Variants in UNC79 observed in about 807,000 individuals in gnomAD.
The protein encoded by UNC79 is unc-79 subunit of NALCN channel complex.
A neutral mutation model predicts 283.1 loss-of-function variants in UNC79; 37 were observed. That is an observed-to-expected ratio of 0.13 (90% confidence interval 0.10 to 0.17). The LOEUF (loss-of-function observed/expected upper bound fraction) is 0.17, where lower values mean the gene tolerates loss of function less well. Ranked by LOEUF, UNC79 falls within the 10% of genes least tolerant of loss-of-function variation. The pLI, the probability that UNC79 is intolerant of heterozygous loss-of-function variation, is 1.00. For synonymous variants in UNC79, 1,107 were observed against 1,200.2 expected, an observed-to-expected ratio of 0.92 and a Z score of 1.61; for missense variants, 2,272 against 3,211.1, an observed-to-expected ratio of 0.71 and a Z score of 7.07.
exon 1 of UNC79, chr14:93,333,256 C>G (rs1256686468): frequency 2.5e-6 from 1 of 402,384 alleles, no homozygotes; most frequent in Non-Finnish European, 4.4e-6. Flanking sequence ...CGTCGGGTCG[C>G]TGGGAGTTTG....
chr14:93,659,673 C>T (rs548007845), intron 39 of UNC79, among the ~76,000 whole-genome samples: 13 of 152,322 alleles, frequency 8.5e-5, no homozygotes, highest in African/African-American at 3.1e-4. Flanking sequence ...TAATCTTTGG[C>T]TCCATGTCTT....
chr14:93,552,232 C>G (rs1422271050), intron 14 of UNC79, among the ~76,000 whole-genome samples: 1 of 152,052 alleles, frequency 6.6e-6, no homozygotes, highest in Non-Finnish European at 1.5e-5. Context: ...AAATATAAGG[C>G]AAACATACTT....
chr14:93,521,912 A>C (rs952013398), intron 7 of UNC79, among the ~76,000 whole-genome samples: 3 of 151,236 alleles, frequency 2.0e-5, no homozygotes, highest in African/African-American at 7.3e-5. Context: ...TTGATTCAGA[A>C]GATCTAACAT....
At chr14:93,618,215 C>T (rs755262371) in exon 29 of UNC79, 23 of 1,613,426 alleles carry the variant, frequency 1.4e-5, no homozygotes, top group Non-Finnish European at 1.9e-5. Flanking sequence ...ACTGTGATAT[C>T]AGCAAGATCC....
intron 1 of UNC79, among the ~76,000 whole-genome samples, 179 bp downstream of exon 1, chr14:93,431,230 G>A (rs1339452398): frequency 1.3e-5 from 2 of 151,462 alleles, no homozygotes; most frequent in Non-Finnish European, 2.9e-5. Flanking sequence ...TAATGGCAGC[G>A]CGGCGCTGTC....
chr14:93,404,603 G>A (rs2055188975), intron 1 of UNC79, among the ~76,000 whole-genome samples: 1 of 145,064 alleles, frequency 6.9e-6, no homozygotes, highest in Non-Finnish European at 1.5e-5. Context: ...AAATGAGCAG[G>A]GGGAAAAGGA....
intron 1 of UNC79, among the ~76,000 whole-genome samples, chr14:93,340,441 CAA>C (rs1193751068): frequency 0.018 from 1,174 of 64,334 alleles, 13 homozygotes; most frequent in African/African-American, 0.061. Flanking sequence ...AACGCTGTCT[CAA>C]AAAAAAAAAA....
intron 1 of UNC79, among the ~76,000 whole-genome samples, chr14:93,347,829 C>A (rs2053894363): frequency 6.6e-6 from 1 of 150,952 alleles, no homozygotes; most frequent in Non-Finnish European, 1.5e-5. Flanking sequence ...AACCGGAGAC[C>A]CCTTAGATGA....
chr14:93,363,394 G>C (rs2054264120), intron 1 of UNC79, among the ~76,000 whole-genome samples: 1 of 152,166 alleles, frequency 6.6e-6, no homozygotes, highest in Non-Finnish European at 1.5e-5. Flanking sequence ...GTGTGGTTGG[G>C]TTTAAAGTAT....
At chr14:93,398,443 A>G (rs943887360) in intron 1 of UNC79, among the ~76,000 whole-genome samples, 18 of 152,172 alleles carry the variant, frequency 1.2e-4, no homozygotes, top group Non-Finnish European at 2.4e-4. Flanking sequence ...GAAACAGAAG[A>G]CTATATAGAG....
intron 38 of UNC79, among the ~76,000 whole-genome samples, chr14:93,655,719 G>A (rs74073864): frequency 0.04 from 5,981 of 151,318 alleles, 350 homozygotes; most frequent in African/African-American, 0.13. Flanking sequence ...TTTTTCTCCC[G>A]TAGATATTAA....
chr14:93,520,676 T>C (rs1299011735), intron 7 of UNC79, among the ~76,000 whole-genome samples: 2 of 152,020 alleles, frequency 1.3e-5, no homozygotes, highest in Non-Finnish European at 2.9e-5. Flanking sequence ...TCACTGATCT[T>C]TTCTTCTGCA....
At chr14:93,562,848 G>A (rs952307459) in intron 14 of UNC79, among the ~76,000 whole-genome samples, 6 of 152,136 alleles carry the variant, frequency 3.9e-5, no homozygotes, top group African/African-American at 1.2e-4. Context: ...TTCCTGACTC[G>A]GGGCATGTGA....
chr14:93,359,879 C>T (rs984954150), intron 1 of UNC79, among the ~76,000 whole-genome samples: 1 of 152,188 alleles, frequency 6.6e-6, no homozygotes, highest in Non-Finnish European at 1.5e-5. Flanking sequence ...TTTTCCCATC[C>T]TTCCCCACGG....
intron 27 of UNC79, 33 bp downstream of exon 28, chr14:93,613,116 CT>C (rs2066425170): frequency 1.2e-6 from 2 of 1,609,180 alleles, no homozygotes; most frequent in African/African-American, 2.7e-5. Context: ...GAAGTCACAC[CT>C]TTATACTTTT....
At chr14:93,357,798 T>TGGATATATATATAC (rs1555398855) in intron 1 of UNC79, among the ~76,000 whole-genome samples, 5 of 116,596 alleles carry the variant, frequency 4.3e-5, no homozygotes, top group Non-Finnish European at 7.1e-5. Context: ...TATATATATA[T>TGGATATATATATAC]GGATATATGG....
chr14:93,691,903 G>C, exon 46 of UNC79: 1 of 1,614,172 alleles, frequency 6.2e-7, no homozygotes, highest in Non-Finnish European at 8.5e-7. Context: ...TTTTGGAGTA[G>C]GGTGACACCC....
intron 30 of UNC79, among the ~76,000 whole-genome samples, chr14:93,625,265 C>T (rs2067475558): frequency 6.6e-6 from 1 of 152,196 alleles, no homozygotes; most frequent in South Asian, 2.1e-4. Flanking sequence ...AGACCCTTCC[C>T]TTCTTGTCTC....
intron 1 of UNC79, among the ~76,000 whole-genome samples, chr14:93,424,156 A>G (rs1320909829): frequency 6.6e-6 from 1 of 152,222 alleles, no homozygotes; most frequent in African/African-American, 2.4e-5. Flanking sequence ...AATCAAAACT[A>G]CAATGAGATA....
Sources: allele counts gnomAD v4.1 joint callset (sites outside exome capture counted in the v4.1 genomes callset), GRCh38; gene constraint gnomAD v4.1.1; transcripts MANE v1.5; gene names NCBI Gene and HGNC (gene_info 2026-07-23, HGNC 2026-07-21).